The following GRID2 variants were observed in gnomAD, a reference collection of about 807,000 sequenced individuals.
GRID2 encodes the protein glutamate receptor ionotropic, delta-2.
GRID2 carries 33 observed loss-of-function variants against 114.8 expected under a neutral mutation model. The observed-to-expected ratio is 0.29, with a 90% CI of 0.22 to 0.38. The LOEUF (loss-of-function observed/expected upper bound fraction) is 0.38, where lower values mean the gene tolerates loss of function less well. GRID2 is among the 10% of genes least tolerant of loss of function. The pLI, the probability that GRID2 is intolerant of heterozygous loss-of-function variation, is 1.00. For missense variants in GRID2, 1,184 were observed against 1,257.7 expected, an observed-to-expected ratio of 0.94 and a Z score of 0.89; for synonymous variants, 505 against 449.9, an observed-to-expected ratio of 1.12 and a Z score of -1.55.
intron 2 of GRID2, among the ~76,000 whole-genome samples, chr4:92,904,722 T>C (rs1747826223): frequency 6.6e-6 from 1 of 151,870 alleles, no homozygotes; most frequent in Admixed American, 6.6e-5. Context: ...ATGAATGATG[T>C]GAAATGGAAT....
chr4:92,353,942 C>G (rs1728194315), intron 1 of GRID2, among the ~76,000 whole-genome samples: 1 of 152,020 alleles, frequency 6.6e-6, no homozygotes, highest in Admixed American at 6.6e-5. Context: ...CAACCATAAA[C>G]TTTTGCCTCA....
intron 13 of GRID2, among the ~76,000 whole-genome samples, chr4:93,565,135 A>T (rs891091942): frequency 2.0e-5 from 3 of 152,132 alleles, no homozygotes; most frequent in African/African-American, 4.8e-5. Flanking sequence ...TTCATAAATG[A>T]TCTCTTAAAA....
chr4:92,975,287 CT>C (rs1271246034), intron 2 of GRID2, among the ~76,000 whole-genome samples: 1 of 148,786 alleles, frequency 6.7e-6, no homozygotes, highest in Non-Finnish European at 1.5e-5. Flanking sequence ...TATATTAATA[CT>C]TTTTTTTCTT....
intron 2 of GRID2, chr4:92,702,657 G>T: frequency 6.6e-6 from 1 of 151,358 alleles, no homozygotes; most frequent in Non-Finnish European, 1.5e-5. Context: ...TTTATTCATA[G>T]TATACTATAC....
At chr4:92,378,007 C>T (rs145237091) in intron 1 of GRID2, among the ~76,000 whole-genome samples, 56 of 151,660 alleles carry the variant, frequency 3.7e-4, no homozygotes, top group Admixed American at 2.2e-3. Context: ...AGTTTTTTTA[C>T]TTAGATATCT....
chr4:92,559,403 G>A (rs1249605429), intron 1 of GRID2, among the ~76,000 whole-genome samples: 1 of 152,108 alleles, frequency 6.6e-6, no homozygotes, highest in Non-Finnish European at 1.5e-5. Flanking sequence ...CAGATTGTGG[G>A]ATATTTGCGT....
chr4:93,602,677 CT>C (rs1462515847), intron 13 of GRID2, among the ~76,000 whole-genome samples: 2 of 152,210 alleles, frequency 1.3e-5, no homozygotes, highest in Admixed American at 6.5e-5. Flanking sequence ...TTCTCTTCCT[CT>C]GCTCAGGCCT....
chr4:93,331,406 C>A (rs1758434898), intron 8 of GRID2, among the ~76,000 whole-genome samples: 1 of 151,512 alleles, frequency 6.6e-6, no homozygotes, highest in Non-Finnish European at 1.5e-5. Flanking sequence ...CAGACCTCTA[C>A]TCCTCATTCA....
intron 2 of GRID2, among the ~76,000 whole-genome samples, chr4:93,066,470 G>T (rs1728305641): frequency 6.6e-6 from 1 of 151,630 alleles, no homozygotes; most frequent in African/African-American, 2.4e-5. Context: ...ATAATTCCTG[G>T]TACTCTATGA....
chr4:92,591,072 G>T (rs543664961), intron 2 of GRID2, among the ~76,000 whole-genome samples: 1 of 152,142 alleles, frequency 6.6e-6, no homozygotes, highest in Non-Finnish European at 1.5e-5. Context: ...CTCCTACCCC[G>T]CTGCATAGGT....
At chr4:93,283,653 CTAGGA>C (rs1752874572) in intron 8 of GRID2, among the ~76,000 whole-genome samples, 1 of 152,040 alleles carries the variant, frequency 6.6e-6, no homozygotes, top group Non-Finnish European at 1.5e-5. Context: ...AGTCGGGGCT[CTAGGA>C]TGGTACACTG....
chr4:93,528,414 A>AT (rs760578146), intron 13 of GRID2, among the ~76,000 whole-genome samples: 4,040 of 133,560 alleles, frequency 0.03, 105 homozygotes, highest in East Asian at 0.16. Flanking sequence ...CAAGAGTTCC[A>AT]TTTTTTTTTT....
At chr4:92,767,566 C>A (rs773987175) in intron 2 of GRID2, among the ~76,000 whole-genome samples, 3 of 152,042 alleles carry the variant, frequency 2.0e-5, no homozygotes, top group Non-Finnish European at 4.4e-5. Context: ...GCCTGGCTAA[C>A]ATGCTGAAAC....
intron 12 of GRID2, among the ~76,000 whole-genome samples, chr4:93,491,042 A>G (rs1221061324): frequency 6.6e-6 from 1 of 151,986 alleles, no homozygotes; most frequent in East Asian, 1.9e-4. Flanking sequence ...ACACATCTTC[A>G]GAATTTTAGT....
chr4:93,024,917 G>A (rs1222111594), intron 2 of GRID2, among the ~76,000 whole-genome samples: 1 of 151,716 alleles, frequency 6.6e-6, no homozygotes, highest in African/African-American at 2.4e-5. Context: ...AAAAAGAGAA[G>A]ACCAGCTGTT....
At chr4:93,015,846 T>C (rs752072669) in intron 2 of GRID2, among the ~76,000 whole-genome samples, 3 of 152,110 alleles carry the variant, frequency 2.0e-5, no homozygotes, top group African/African-American at 7.2e-5. Flanking sequence ...GTGTTTCTTA[T>C]AGCAGGCAAA....
intron 13 of GRID2, among the ~76,000 whole-genome samples, chr4:93,589,734 TG>T (rs1322432957): frequency 6.6e-6 from 1 of 152,190 alleles, no homozygotes; most frequent in Non-Finnish European, 1.5e-5. Flanking sequence ...GACTTTTTAA[TG>T]ATTGCCATTC....
intron 13 of GRID2, among the ~76,000 whole-genome samples, chr4:93,542,460 T>G (rs185802563): frequency 1.3e-5 from 2 of 152,252 alleles, no homozygotes; most frequent in East Asian, 3.9e-4. Flanking sequence ...ATCGCCAGTA[T>G]TAAACCACAA....
chr4:93,126,698 C>T (rs1296674132), intron 4 of GRID2, among the ~76,000 whole-genome samples: 1 of 141,322 alleles, frequency 7.1e-6, no homozygotes, highest in Non-Finnish European at 1.5e-5. Context: ...CCCAGGTTCA[C>T]GCCATTCTCC....
Sources: gnomAD v4.1 joint callset for allele counts (sites outside exome capture counted in the v4.1 genomes callset) on GRCh38, gnomAD v4.1.1 for gene constraint, MANE v1.5 for transcripts, NCBI Gene and HGNC (gene_info 2026-07-23, HGNC 2026-07-21) for gene names.